Variants in PPFIA2 observed in about 807,000 individuals in gnomAD.
The protein encoded by PPFIA2 is PPFI scaffold protein A2, also known as liprin-alpha-2.
PPFIA2 carries 46 observed loss-of-function variants against 175.5 expected under a neutral mutation model. The ratio of observed to expected loss-of-function variants is 0.26; its 90% CI spans 0.21 to 0.34. The LOEUF (loss-of-function observed/expected upper bound fraction) is 0.34, where lower values mean the gene tolerates loss of function less well. Ranked by LOEUF, PPFIA2 falls within the 10% of genes least tolerant of loss-of-function variation. The probability of loss-of-function intolerance (pLI) is 1.00; values close to 1 mark genes in which losing one functional copy is unlikely to be tolerated. For missense variants in PPFIA2, 1,179 were observed against 1,506.1 expected, an observed-to-expected ratio of 0.78 and a Z score of 3.60; for synonymous variants, 568 against 511.4, an observed-to-expected ratio of 1.11 and a Z score of -1.49.
chr12:81,382,416 G>A (rs1435706429), intron 9 of PPFIA2, among the ~76,000 whole-genome samples: 1 of 152,142 alleles, frequency 6.6e-6, no homozygotes, highest in South Asian at 2.1e-4. Flanking sequence ...TAGGCAGGCT[G>A]CTCAAGCTGC....
At chr12:81,412,574 A>G (rs2044185232) in intron 7 of PPFIA2, among the ~76,000 whole-genome samples, 1 of 151,898 alleles carries the variant, frequency 6.6e-6, no homozygotes, top group Non-Finnish European at 1.5e-5. Flanking sequence ...ACCTAATAAT[A>G]ATCAGGTACA....
At chr12:81,562,763 C>T (rs1195865445) in intron 4 of PPFIA2, among the ~76,000 whole-genome samples, 4 of 133,094 alleles carry the variant, frequency 3.0e-5, no homozygotes, top group African/African-American at 8.4e-5. Context: ...AGGAGAATGG[C>T]GTGAACCCGG....
Position 81,341,107 on chromosome 12 carries a change from G to C in PPFIA2, c.2364C>G (p.Leu788=), listed in dbSNP as rs534174323. ...TPRALRMTHT[L]PSSYHNDARS... ...GAGCATCATTGTGGTAGGAAGAAGG[G>C]AGAGTGTGAGTCATTCTGAGGGCTC... is the stretch of plus-strand genomic sequence containing the variant. The change falls in exon 20 of 33, where the codon CTC becomes CTG. Residue 788 remains leucine (L), a synonymous_variant. Coordinates refer to ENST00000549396, the MANE Select transcript of PPFIA2 (RefSeq NM_003625.5). The C allele has an allele frequency of 6.2e-7, 1 of 1,611,050 alleles. No individual in the cohort carries two copies. The highest frequency in any genetic ancestry group is 1.7e-5 in the Admixed American group (1 of 59,858).
At chr12:81,498,145 T>G (rs909146540) in intron 4 of PPFIA2, among the ~76,000 whole-genome samples, 1 of 152,226 alleles carries the variant, frequency 6.6e-6, no homozygotes, top group African/African-American at 2.4e-5. Context: ...TAATTTTAGA[T>G]GTATAAAAGA....
chr12:81,465,007 T>G (rs2055344820), intron 4 of PPFIA2, among the ~76,000 whole-genome samples: 1 of 152,176 alleles, frequency 6.6e-6, no homozygotes, highest in African/African-American at 2.4e-5. Context: ...AGGCTTTGAT[T>G]TAATAGGTAA....
At chr12:81,627,996 AT>A (rs1189662590) in intron 4 of PPFIA2, among the ~76,000 whole-genome samples, 6 of 152,132 alleles carry the variant, frequency 3.9e-5, no homozygotes, top group Non-Finnish European at 5.9e-5. Context: ...TATTCAATAA[AT>A]ACAATACCTA....
intron 7 of PPFIA2, among the ~76,000 whole-genome samples, chr12:81,422,196 T>A (rs2046400808): frequency 6.6e-6 from 1 of 150,472 alleles, no homozygotes; most frequent in Non-Finnish European, 1.5e-5. Flanking sequence ...AGATCTCAGA[T>A]GAAAACGAGA....
At chr12:81,554,504 A>T (rs1404964573) in intron 4 of PPFIA2, among the ~76,000 whole-genome samples, 1 of 152,010 alleles carries the variant, frequency 6.6e-6, no homozygotes, top group Non-Finnish European at 1.5e-5. Context: ...TAATGGAGGA[A>T]CACATGGCCT....
intron 4 of PPFIA2, among the ~76,000 whole-genome samples, chr12:81,643,897 T>C (rs2065695385): frequency 6.6e-6 from 1 of 152,026 alleles, no homozygotes; most frequent in African/African-American, 2.4e-5. Flanking sequence ...GGGGAAGGGC[T>C]GTTTTCCAGT....
intron 22 of PPFIA2, among the ~76,000 whole-genome samples, chr12:81,321,438 T>G (rs2053627487): frequency 6.6e-6 from 1 of 152,128 alleles, no homozygotes; most frequent in Non-Finnish European, 1.5e-5. Context: ...ACATTAAATT[T>G]TATTAATTCC....
chr12:81,514,010 T>C (rs2062103945), intron 4 of PPFIA2, among the ~76,000 whole-genome samples: 2 of 152,018 alleles, frequency 1.3e-5, no homozygotes, highest in Admixed American at 1.3e-4. Context: ...TTTTATCTTT[T>C]TGTTTACCCA....
intron 4 of PPFIA2, among the ~76,000 whole-genome samples, chr12:81,622,567 C>T (rs1222510830): frequency 6.6e-6 from 1 of 152,126 alleles, no homozygotes; most frequent in Admixed American, 6.6e-5. Context: ...AGAGTTCCCA[C>T]TGGAGCTATC....
chr12:81,502,688 C>T (rs1454137599), intron 4 of PPFIA2, among the ~76,000 whole-genome samples: 1 of 152,148 alleles, frequency 6.6e-6, no homozygotes, highest in Non-Finnish European at 1.5e-5. Context: ...GGGGTTTAGA[C>T]TGTAGTCTAG....
chr12:81,275,779 CT>C lies in PPFIA2; in HGVS notation c.3310+1537del, dbSNP rs753332133. ...GTTATATTTTCCTTAATATTTTCTT[CT>C]TTTTTTTTTTTTTTCTTGAGACGGA... is the stretch of plus-strand genomic sequence containing the variant. On this transcript the variant is annotated intron_variant, in intron 28 of 32. Transcript: ENST00000549396. Among the ~76,000 whole-genome samples, 292 of 141,242 alleles carry C rather than the reference CT, an allele frequency of 2.1e-3. 1 individual carries two copies. The highest frequency in any genetic ancestry group is 6.4e-3 in the Admixed American group (91 of 14,122). The allele number at this position is 141,242 out of a possible 152,430, so 92.7% of individuals were successfully genotyped here. A position where few individuals can be genotyped will look rare whatever the true frequency, so the allele number is the denominator to read the frequency against.
chr12:81,751,477 T>C (rs1295452829), intron 3 of PPFIA2, among the ~76,000 whole-genome samples: 1 of 150,698 alleles, frequency 6.6e-6, no homozygotes, highest in African/African-American at 2.4e-5. Flanking sequence ...ATTTCAGAAA[T>C]ATTCAGAAAT....
At chr12:81,682,766 C>T (rs1390670911) in intron 3 of PPFIA2, among the ~76,000 whole-genome samples, 1 of 151,900 alleles carries the variant, frequency 6.6e-6, no homozygotes, top group Non-Finnish European at 1.5e-5. Flanking sequence ...TGTTGACATG[C>T]CCTATTGTGC....
At chr12:81,513,183 G>A (rs1272552939) in intron 4 of PPFIA2, among the ~76,000 whole-genome samples, 1 of 151,866 alleles carries the variant, frequency 6.6e-6, no homozygotes, top group African/African-American at 2.4e-5. Context: ...GAAACGCAAA[G>A]TTAAACCACA....
At chr12:81,726,181 T>C (rs1346591489) in intron 3 of PPFIA2, among the ~76,000 whole-genome samples, 3 of 151,260 alleles carry the variant, frequency 2.0e-5, no homozygotes, top group Non-Finnish European at 4.4e-5. Context: ...ATTTTTCTAC[T>C]AAAGCCATTC....
intron 3 of PPFIA2, among the ~76,000 whole-genome samples, chr12:81,712,765 T>A (rs2078106324): frequency 6.6e-6 from 1 of 150,794 alleles, no homozygotes; most frequent in African/African-American, 2.4e-5. Context: ...TTTTTTTTTT[T>A]AATCAAGCAC....
Sources: gnomAD v4.1 joint callset for allele counts (sites outside exome capture counted in the v4.1 genomes callset) on GRCh38, gnomAD v4.1.1 for gene constraint, MANE v1.5 for transcripts, NCBI Gene and HGNC (gene_info 2026-07-23, HGNC 2026-07-21) for gene names.